ADAM10: variants seen among roughly 807,000 people sequenced by gnomAD.
The protein encoded by ADAM10 is ADAM metallopeptidase domain 10.
ADAM10 carries 17 observed loss-of-function variants against 90.1 expected under a neutral mutation model. The observed-to-expected ratio is 0.19, with a 90% CI of 0.13 to 0.28. ADAM10 has a LOEUF of 0.28. ADAM10 is among the 10% of genes least tolerant of loss of function. The probability of loss-of-function intolerance (pLI) is 1.00; values close to 1 mark genes in which losing one functional copy is unlikely to be tolerated. For missense variants in ADAM10, 610 were observed against 914.3 expected (o/e 0.67, Z 4.29); for synonymous variants, 310 against 298.6 (o/e 1.04, Z -0.40).
chr15:58,597,350 C>G lies in ADAM10; in HGVS notation c.*197G>C. ...TAAGAAAATTGGGTTCCTTTTCCAC[C>G]TCCCACCCCCAAATTGGAATTTTCA... is the stretch of plus-strand genomic sequence containing the variant. On this transcript the variant is annotated 3_prime_UTR_variant, in exon 16 of 16. Transcript: ENST00000260408. 6.5e-7 allele frequency: 1 copy of G among 1,534,946 alleles called. No homozygotes were observed. Among genetic ancestry groups the G allele is most frequent in the South Asian group, 1.2e-5 (1 of 81,432 alleles).
Position 58,640,613 on chromosome 15 carries a change from T to C in ADAM10, c.1012+164A>G, listed in dbSNP as rs137907058. 5.1e-4 allele frequency among the ~76,000 whole-genome samples: 77 copies of C among 152,316 alleles called. No individual in the cohort carries two copies. In the East Asian group the frequency reaches 0.011, roughly 22 times the overall value. On this transcript the variant is annotated intron_variant, in intron 8 of 15. Transcript: ENST00000260408. The stretch of plus-strand genomic sequence containing the variant: ...CAAAATAAAAAGCTCCTTCATCTAT[T>C]GTGGCTTTTACATTATGCTTATGAG...
chr15:58,651,366 T>C (rs1896683610), intron 5 of ADAM10, among the ~76,000 whole-genome samples: 1 of 152,164 alleles, frequency 6.6e-6, no homozygotes, highest in Non-Finnish European at 1.5e-5. Context: ...TCTAACATGT[T>C]TTTGTGCCCG....
intron 1 of ADAM10, among the ~76,000 whole-genome samples, chr15:58,730,847 C>T (rs1899211884): frequency 6.6e-6 from 1 of 152,170 alleles, no homozygotes; most frequent in African/African-American, 2.4e-5. Flanking sequence ...GAAAATTCTC[C>T]CTCTCTTTCC....
intron 1 of ADAM10, among the ~76,000 whole-genome samples, chr15:58,721,721 A>T (rs1898859635): frequency 1.3e-5 from 2 of 152,094 alleles, no homozygotes; most frequent in Admixed American, 6.6e-5. Context: ...CCCTGTCTCT[A>T]CAAAAAATTA....
intron 15 of ADAM10, 125 bp from the exon 16 acceptor site, chr15:58,597,766 A>C: frequency 1.1e-6 from 1 of 939,040 alleles, no homozygotes; most frequent in Non-Finnish European, 1.5e-6. Context: ...TGGGCCATCA[A>C]TGTAATTTAA....
chr15:58,740,826 G>A (rs925952957), intron 1 of ADAM10, among the ~76,000 whole-genome samples: 1 of 152,152 alleles, frequency 6.6e-6, no homozygotes, highest in African/African-American at 2.4e-5. Flanking sequence ...GTTGAAGGAG[G>A]AATTACGGAT....
intron 2 of ADAM10, among the ~76,000 whole-genome samples, chr15:58,708,508 T>A (rs1380922298): frequency 6.6e-6 from 1 of 151,784 alleles, no homozygotes; most frequent in Non-Finnish European, 1.5e-5. Flanking sequence ...CAAAAAAAAT[T>A]AAAAATTAGC....
intron 1 of ADAM10, among the ~76,000 whole-genome samples, chr15:58,720,404 A>ATTTT (rs879811536): frequency 2.2e-5 from 1 of 45,254 alleles, no homozygotes; most frequent in African/African-American, 5.2e-5. Flanking sequence ...ATTTTATTTT[A>ATTTT]TTTTTTTTTT....
rs1894970424 is a variant in ADAM10 at position 58,596,979 on chromosome 15, C to T, written c.*568G>A. 1.2e-5 allele frequency: 2 copies of T among 168,670 alleles called. No homozygotes were observed. Among genetic ancestry groups the T allele is most frequent in the African/African-American group, 4.8e-5 (2 of 41,540 alleles). The allele number at this position is 168,670 out of a possible 1,614,324, so 10.4% of individuals were successfully genotyped here. On this transcript the variant is annotated 3_prime_UTR_variant, in exon 16 of 16. Transcript: ENST00000260408. Reference sequence around the variant, plus strand: ...TGTTATCCTGAGTATGTCAATTAAACAGTAATTTTTAATTAAGAGCGGAAA... The same window carrying T: ...TGTTATCCTGAGTATGTCAATTAAATAGTAATTTTTAATTAAGAGCGGAAA...
rs560995912 is a variant in ADAM10 at position 58,686,671 on chromosome 15, T to C, written c.207-4357A>G. Reference sequence around the variant, plus strand: ...ATGCCTTCAAGCACAAAGTGATGAATGACTGCCTTCAAGTCTCAAGAAAAC... The same window carrying C: ...ATGCCTTCAAGCACAAAGTGATGAACGACTGCCTTCAAGTCTCAAGAAAAC... On this transcript the variant is annotated intron_variant, in intron 2 of 15. Transcript: ENST00000260408. 2.9e-4 allele frequency: 205 copies of C among 712,456 alleles called. 3 individuals are homozygous for C. In the African/African-American group the frequency reaches 3.1e-3, roughly 11 times the overall value. 44.1% of individuals were successfully genotyped at this position (712,456 alleles called of 1,614,324 possible). A position where few individuals can be genotyped will look rare whatever the true frequency, so the allele number is the denominator to read the frequency against.
intron 5 of ADAM10, among the ~76,000 whole-genome samples, chr15:58,654,428 G>A (rs1158024003): frequency 6.6e-6 from 1 of 152,160 alleles, no homozygotes; most frequent in African/African-American, 2.4e-5. Flanking sequence ...TGCCCAGGCT[G>A]CAGTAAAGTG....
At chr15:58,695,300 A>G (rs1435053002) in intron 2 of ADAM10, among the ~76,000 whole-genome samples, 2 of 152,174 alleles carry the variant, frequency 1.3e-5, no homozygotes, top group African/African-American at 2.4e-5. Context: ...AACTCCACAA[A>G]CTTAAAAATA....
chr15:58,747,714 G>C (rs1407462078), intron 1 of ADAM10: 1 of 152,038 alleles, frequency 6.6e-6, no homozygotes, highest in East Asian at 1.9e-4. Context: ...TTTAACCAAT[G>C]CTTAATGCAA....
At chr15:58,651,134 G>GTA (rs1896676349) in intron 5 of ADAM10, among the ~76,000 whole-genome samples, 1 of 151,548 alleles carries the variant, frequency 6.6e-6, no homozygotes, top group South Asian at 2.1e-4. Flanking sequence ...GAATACATAG[G>GTA]TATATATATT....
chr15:58,683,027 T>A (rs1897482835), intron 2 of ADAM10, among the ~76,000 whole-genome samples: 1 of 152,178 alleles, frequency 6.6e-6, no homozygotes, highest in African/African-American at 2.4e-5. Context: ...ATTTACTAGC[T>A]CAGGTTCCTG....
At chr15:58,660,950 T>A (rs574128676) in intron 5 of ADAM10, among the ~76,000 whole-genome samples, 76 of 152,382 alleles carry the variant, frequency 5.0e-4, no homozygotes, top group Non-Finnish European at 8.8e-4. Flanking sequence ...AAACTTTACT[T>A]ACAAAAGCAA....
chr15:58,680,790 C>T (rs1349268910), intron 3 of ADAM10, among the ~76,000 whole-genome samples: 1 of 152,014 alleles, frequency 6.6e-6, no homozygotes, highest in Non-Finnish European at 1.5e-5. Flanking sequence ...GGTAAGAGCC[C>T]AAGACGCTGA....
rs761537475 is a variant in ADAM10 at position 58,596,012 on chromosome 15, T to C, written c.*1535A>G. On this transcript the variant is annotated 3_prime_UTR_variant, in exon 16 of 16. Transcript: ENST00000260408. Reference sequence around the variant, plus strand: ...ACAAGTTTACAAGGAAGAGATCCCGTTATTTTCTCTAGCATTTTTGGCCTT... The same window carrying C: ...ACAAGTTTACAAGGAAGAGATCCCGCTATTTTCTCTAGCATTTTTGGCCTT... 5 of 152,042 alleles carry C rather than the reference T, an allele frequency of 3.3e-5. No individual in the cohort carries two copies. The highest frequency in any genetic ancestry group is 5.9e-5 in the Non-Finnish European group (4 of 67,960). 9.4% of individuals were successfully genotyped at this position (152,042 alleles called of 1,614,324 possible).
chr15:58,730,287 A>T (rs549997492), intron 1 of ADAM10, among the ~76,000 whole-genome samples: 1 of 152,342 alleles, frequency 6.6e-6, no homozygotes, highest in African/African-American at 2.4e-5. Context: ...AAAAGTTTCC[A>T]AATAACGTAG....
Sources: gnomAD v4.1 joint callset for allele counts (sites outside exome capture counted in the v4.1 genomes callset) on GRCh38, gnomAD v4.1.1 for gene constraint, MANE v1.5 for transcripts, NCBI Gene and HGNC (gene_info 2026-07-23, HGNC 2026-07-21) for gene names.